Variants in TRDN observed in about 807,000 individuals in gnomAD.
TRDN encodes the protein triadin.
TRDN carries 161 observed loss-of-function variants against 149.7 expected under a neutral mutation model. That is an observed-to-expected ratio of 1.08 (90% CI 0.95 to 1.23). The LOEUF (loss-of-function observed/expected upper bound fraction) is 1.23, where lower values mean the gene tolerates loss of function less well. Among genes scored for constraint, TRDN ranks in the 50% most tolerant of loss-of-function variants. The pLI, the probability that TRDN is intolerant of heterozygous loss-of-function variation, is 0.00. For synonymous variants in TRDN, 294 were observed against 250.5 expected, an observed-to-expected ratio of 1.17 and a Z score of -1.64; for missense variants, 896 against 823.5, an observed-to-expected ratio of 1.09 and a Z score of -1.08.
At chr6:123,468,268 T>C (rs543552859) in intron 9 of TRDN, among the ~76,000 whole-genome samples, 27 of 152,302 alleles carry the variant, frequency 1.8e-4, no homozygotes, top group African/African-American at 5.1e-4. Context: ...GAAGGAAAGA[T>C]TTAGGCTGTT....
At chr6:123,267,816 A>G (rs1562238360) in intron 31 of TRDN, 65 bp from the exon 32 acceptor site, 2 of 1,340,616 alleles carry the variant, frequency 1.5e-6, no homozygotes, top group East Asian at 2.6e-5. Context: ...TCTTATTTAT[A>G]TATTTGCAAG....
intron 9 of TRDN, among the ~76,000 whole-genome samples, chr6:123,484,346 A>G (rs1348857362): frequency 2.6e-5 from 4 of 152,200 alleles, no homozygotes; most frequent in Non-Finnish European, 5.9e-5. Context: ...TGTATCCACT[A>G]GGCCACACAA....
At chr6:123,429,012 T>C (rs1438100945) in intron 12 of TRDN, 1 of 152,154 alleles carries the variant, frequency 6.6e-6, no homozygotes, top group Admixed American at 6.6e-5. Flanking sequence ...GGATCTCTTC[T>C]GCATTTTTTC....
chr6:123,506,560 C>A (rs1562352952), intron 7 of TRDN, among the ~76,000 whole-genome samples: 1 of 151,924 alleles, frequency 6.6e-6, no homozygotes, highest in Non-Finnish European at 1.5e-5. Flanking sequence ...GCAATCTTGG[C>A]TCACTGCAAC....
chr6:123,330,766 A>G (rs1236306784), intron 23 of TRDN, among the ~76,000 whole-genome samples: 2 of 152,080 alleles, frequency 1.3e-5, no homozygotes, highest in African/African-American at 4.8e-5. Context: ...TTAAGGCTAT[A>G]GTTTTATACA....
At chr6:123,402,211 C>T (rs1773008944) in intron 12 of TRDN, among the ~76,000 whole-genome samples, 1 of 152,184 alleles carries the variant, frequency 6.6e-6, no homozygotes, top group African/African-American at 2.4e-5. Context: ...AAACTGAAAC[C>T]TTACTTAAGA....
chr6:123,334,485 G>A, intron 22 of TRDN, among the ~76,000 whole-genome samples: 1 of 152,060 alleles, frequency 6.6e-6, no homozygotes, highest in Middle Eastern at 3.2e-3. Flanking sequence ...CAGACCAGGA[G>A]TTAGAAACAA....
At chr6:123,338,144 C>G (rs966878577) in intron 21 of TRDN, among the ~76,000 whole-genome samples, 12 of 152,136 alleles carry the variant, frequency 7.9e-5, no homozygotes, top group African/African-American at 2.9e-4. Flanking sequence ...TCTATGCTCT[C>G]AAGCACATAA....
chr6:123,287,404 T>A (rs1233436062), intron 24 of TRDN, among the ~76,000 whole-genome samples: 1 of 152,148 alleles, frequency 6.6e-6, no homozygotes, highest in East Asian at 1.9e-4. Flanking sequence ...CAATATCACA[T>A]AAGAACTTAT....
intron 1 of TRDN, among the ~76,000 whole-genome samples, chr6:123,630,402 G>C (rs1562142921): frequency 6.6e-6 from 1 of 151,864 alleles, no homozygotes; most frequent in South Asian, 2.1e-4. Context: ...AAATTGCTTA[G>C]TTGCACTGTT....
intron 5 of TRDN, among the ~76,000 whole-genome samples, chr6:123,522,078 C>G (rs1342874364): frequency 1.3e-5 from 2 of 152,092 alleles, no homozygotes; most frequent in Admixed American, 1.3e-4. Context: ...TTCCCGCTGT[C>G]TAGCCCACTC....
intron 5 of TRDN, among the ~76,000 whole-genome samples, chr6:123,523,273 T>G (rs1779778452): frequency 6.6e-6 from 1 of 151,758 alleles, no homozygotes; most frequent in African/African-American, 2.4e-5. Flanking sequence ...TATGAGACAG[T>G]GACAATGCCT....
intron 9 of TRDN, among the ~76,000 whole-genome samples, chr6:123,477,390 C>G (rs1340136311): frequency 6.7e-6 from 1 of 148,314 alleles, no homozygotes; most frequent in African/African-American, 2.5e-5. Flanking sequence ...GAATGGCAAT[C>G]ATTAAAAAGT....
At chr6:123,459,333 A>G (rs1007677766) in intron 10 of TRDN, among the ~76,000 whole-genome samples, 9 of 152,198 alleles carry the variant, frequency 5.9e-5, no homozygotes, top group African/African-American at 2.2e-4. Context: ...ACAGTAAGAC[A>G]AAGAGAGAGA....
At chr6:123,381,067 T>G (rs1781700546) in intron 16 of TRDN, among the ~76,000 whole-genome samples, 1 of 152,138 alleles carries the variant, frequency 6.6e-6, no homozygotes, top group Non-Finnish European at 1.5e-5. Flanking sequence ...TAGGACTAAA[T>G]TTACAAAAAC....
At chr6:123,519,532 C>T (rs1779574156) in intron 5 of TRDN, among the ~76,000 whole-genome samples, 1 of 149,146 alleles carries the variant, frequency 6.7e-6, no homozygotes, top group Non-Finnish European at 1.5e-5. Context: ...TCATGGGAGC[C>T]AGGTTATCAG....
intron 24 of TRDN, among the ~76,000 whole-genome samples, chr6:123,279,464 T>A (rs980777306): frequency 6.6e-6 from 1 of 152,152 alleles, no homozygotes; most frequent in Non-Finnish European, 1.5e-5. Context: ...GCTCTATTCA[T>A]AGTCAGTTTT....
At chr6:123,456,062 A>G (rs930636316) in intron 10 of TRDN, among the ~76,000 whole-genome samples, 1 of 152,214 alleles carries the variant, frequency 6.6e-6, no homozygotes, top group Admixed American at 6.5e-5. Flanking sequence ...AGATACTGCT[A>G]TTTTTATAAC....
At chr6:123,585,301 G>A (rs558355791) in intron 1 of TRDN, among the ~76,000 whole-genome samples, 5 of 151,906 alleles carry the variant, frequency 3.3e-5, no homozygotes, top group Non-Finnish European at 7.4e-5. Flanking sequence ...TAATTAAAAG[G>A]AGTGCTTAAA....
Sources: gnomAD v4.1 joint callset for allele counts (sites outside exome capture counted in the v4.1 genomes callset) on GRCh38, gnomAD v4.1.1 for gene constraint, MANE v1.5 for transcripts, NCBI Gene and HGNC (gene_info 2026-07-23, HGNC 2026-07-21) for gene names.